The following ZNF385B variants were observed in gnomAD, a reference collection of about 807,000 sequenced individuals.
ZNF385B encodes zinc finger protein 533.
In ZNF385B, 23 loss-of-function variants were observed where a neutral mutation model predicts 39.2. The observed-to-expected ratio is 0.59, with a 90% CI of 0.42 to 0.83. The LOEUF is 0.83. Among genes scored for constraint, ZNF385B ranks in the 40% least tolerant of loss-of-function variants. ZNF385B has a pLI of 0.00. For synonymous variants in ZNF385B, 205 were observed against 222.6 expected (o/e 0.92, Z 0.70); for missense variants, 552 against 598.9 (o/e 0.92, Z 0.82).
intron 3 of ZNF385B, among the ~76,000 whole-genome samples, chr2:179,718,422 T>C (rs1575332917): frequency 6.8e-6 from 1 of 148,106 alleles, no homozygotes; most frequent in East Asian, 1.9e-4. Flanking sequence ...ATCATAAAGA[T>C]ATATATATTT....
At chr2:179,635,389 G>C (rs1213390688) in intron 3 of ZNF385B, among the ~76,000 whole-genome samples, 20 of 137,912 alleles carry the variant, frequency 1.5e-4, no homozygotes, top group African/African-American at 5.3e-4. Context: ...TTGGGGGGTG[G>C]GGGGGCTGGG....
chr2:179,740,116 C>T (rs1702001664), intron 3 of ZNF385B, among the ~76,000 whole-genome samples: 1 of 152,096 alleles, frequency 6.6e-6, no homozygotes, highest in African/African-American at 2.4e-5. Context: ...CTGCCCTCTC[C>T]CAGCACCCAA....
intron 3 of ZNF385B, among the ~76,000 whole-genome samples, chr2:179,696,698 AACTT>A (rs1218717829): frequency 6.6e-6 from 1 of 152,076 alleles, no homozygotes; most frequent in Non-Finnish European, 1.5e-5. Flanking sequence ...GGTTTTAATA[AACTT>A]TTCAAGAACT....
intron 3 of ZNF385B, among the ~76,000 whole-genome samples, chr2:179,595,792 T>C (rs1278434828): frequency 6.6e-6 from 1 of 150,522 alleles, no homozygotes; most frequent in Non-Finnish European, 1.5e-5. Flanking sequence ...TTAGGCACGT[T>C]ATCGCACCAT....
At chr2:179,842,841 C>T (rs890945364) in intron 1 of ZNF385B, among the ~76,000 whole-genome samples, 1 of 152,136 alleles carries the variant, frequency 6.6e-6, no homozygotes, top group Non-Finnish European at 1.5e-5. Flanking sequence ...AAGAAGCCAT[C>T]GGAGTGGTCT....
At chr2:179,705,189 G>T (rs1240044703) in intron 3 of ZNF385B, among the ~76,000 whole-genome samples, 1 of 152,132 alleles carries the variant, frequency 6.6e-6, no homozygotes, top group East Asian at 1.9e-4. Context: ...GATCTCTGAA[G>T]GCATTGCTCT....
chr2:179,773,070 A>AT (rs1410090411), intron 1 of ZNF385B, among the ~76,000 whole-genome samples: 1 of 152,316 alleles, frequency 6.6e-6, no homozygotes, highest in East Asian at 1.9e-4. Context: ...CACAGGAGTG[A>AT]TTTTAAATCA....
chr2:179,455,188 T>C (rs545161638), intron 6 of ZNF385B, among the ~76,000 whole-genome samples: 1 of 152,176 alleles, frequency 6.6e-6, no homozygotes, highest in Non-Finnish European at 1.5e-5. Flanking sequence ...ACACAAATGC[T>C]TATTGTTGTG....
At chr2:179,697,471 TGA>T (rs1467559556) in intron 3 of ZNF385B, among the ~76,000 whole-genome samples, 2 of 152,172 alleles carry the variant, frequency 1.3e-5, no homozygotes, top group African/African-American at 4.8e-5. Context: ...ACTGTGATTG[TGA>T]GTTTCCTGAG....
At chr2:179,659,601 C>T (rs966106283) in intron 3 of ZNF385B, among the ~76,000 whole-genome samples, 1 of 151,812 alleles carries the variant, frequency 6.6e-6, no homozygotes, top group Non-Finnish European at 1.5e-5. Context: ...TTCATTGTTC[C>T]ACTACTTGAA....
At chr2:179,638,348 G>A (rs536212311) in intron 3 of ZNF385B, among the ~76,000 whole-genome samples, 1 of 152,284 alleles carries the variant, frequency 6.6e-6, no homozygotes, top group Admixed American at 6.5e-5. Flanking sequence ...TATGTAGAGA[G>A]ACAAATATTC....
chr2:179,445,163 C>T (rs967693566), intron 8 of ZNF385B, among the ~76,000 whole-genome samples, 186 bp from the exon 9 acceptor site: 5 of 152,136 alleles, frequency 3.3e-5, no homozygotes, highest in African/African-American at 1.2e-4. Flanking sequence ...CCTCTGTCCC[C>T]CTCCTGTTCT....
intron 1 of ZNF385B, among the ~76,000 whole-genome samples, chr2:179,844,500 T>C (rs1708699697): frequency 6.6e-6 from 1 of 152,198 alleles, no homozygotes; most frequent in Non-Finnish European, 1.5e-5. Context: ...AAAACACTAC[T>C]ACACACAGTC....
intron 1 of ZNF385B, among the ~76,000 whole-genome samples, chr2:179,803,899 TCCTGTATCTGGA>T (rs1179838202): frequency 7.9e-5 from 12 of 152,272 alleles, no homozygotes; most frequent in African/African-American, 2.6e-4. Context: ...TTGATTATAA[TCCTGTATCTGGA>T]AATAAGAAAG....
intron 3 of ZNF385B, among the ~76,000 whole-genome samples, chr2:179,660,344 T>C (rs1178229388): frequency 2.0e-5 from 3 of 152,172 alleles, no homozygotes; most frequent in African/African-American, 7.2e-5. Flanking sequence ...CAACAAAAAT[T>C]ATGGAAAAGT....
intron 3 of ZNF385B, among the ~76,000 whole-genome samples, chr2:179,695,864 A>T (rs1432998989): frequency 6.6e-6 from 1 of 152,242 alleles, no homozygotes; most frequent in Non-Finnish European, 1.5e-5. Flanking sequence ...AGACAAGTGA[A>T]TAAACAAAAT....
At chr2:179,712,371 C>G (rs1700060808) in intron 3 of ZNF385B, among the ~76,000 whole-genome samples, 1 of 152,188 alleles carries the variant, frequency 6.6e-6, no homozygotes, top group South Asian at 2.1e-4. Flanking sequence ...CCTCCTTGTT[C>G]ATGCACGAAA....
At chr2:179,669,011 C>A (rs1417418363) in intron 3 of ZNF385B, among the ~76,000 whole-genome samples, 1 of 152,048 alleles carries the variant, frequency 6.6e-6, no homozygotes, top group East Asian at 1.9e-4. Flanking sequence ...ATGTAAATGG[C>A]TGTATGTTAC....
intron 3 of ZNF385B, among the ~76,000 whole-genome samples, chr2:179,684,214 T>A (rs1575222520): frequency 6.6e-6 from 1 of 152,230 alleles, no homozygotes; most frequent in South Asian, 2.1e-4. Context: ...TCATTCTCAA[T>A]GTGTGTTCTG....
Sources: allele counts gnomAD v4.1 joint callset (sites outside exome capture counted in the v4.1 genomes callset), GRCh38; gene constraint gnomAD v4.1.1; transcripts MANE v1.5; gene names NCBI Gene and HGNC (gene_info 2026-07-23, HGNC 2026-07-21).